SFMBT2: variants seen among roughly 807,000 people sequenced by gnomAD.
SFMBT2 encodes scm-like with four MBT domains protein 2.
In SFMBT2, 38 loss-of-function variants were observed where a neutral mutation model predicts 110.1. That is an observed-to-expected ratio of 0.35 (90% CI 0.27 to 0.45). The LOEUF is 0.45. SFMBT2 is among the 20% of genes least tolerant of loss of function. The probability of loss-of-function intolerance (pLI) is 1.00; values close to 1 mark genes in which losing one functional copy is unlikely to be tolerated. For synonymous variants in SFMBT2, 425 were observed against 425.4 expected, an observed-to-expected ratio of 1.00 and a Z score of 0.01; for missense variants, 1,011 against 1,094.9, an observed-to-expected ratio of 0.92 and a Z score of 1.08.
chr10:7,315,017 AAAG>A (rs1466788913), intron 4 of SFMBT2, among the ~76,000 whole-genome samples: 1 of 137,020 alleles, frequency 7.3e-6, no homozygotes, highest in African/African-American at 2.8e-5. Context: ...GAAAGAAAGA[AAAG>A]AGAGAGAAAG....
intron 2 of SFMBT2, among the ~76,000 whole-genome samples, chr10:7,373,882 C>T (rs1351065147): frequency 6.6e-6 from 1 of 152,180 alleles, no homozygotes; most frequent in Non-Finnish European, 1.5e-5. Flanking sequence ...CCGAAGGAGG[C>T]ACAAGGTTCT....
At chr10:7,296,932 G>T (rs1282464282) in intron 4 of SFMBT2, among the ~76,000 whole-genome samples, 1 of 152,174 alleles carries the variant, frequency 6.6e-6, no homozygotes, top group East Asian at 1.9e-4. Flanking sequence ...GCTCTTCCTG[G>T]GTCTAAAGCA....
At chr10:7,270,396 T>C (rs1841544783) in intron 7 of SFMBT2, among the ~76,000 whole-genome samples, 1 of 152,220 alleles carries the variant, frequency 6.6e-6, no homozygotes, top group Non-Finnish European at 1.5e-5. Context: ...TGGGAATTTG[T>C]GACAGTAGCC....
chr10:7,299,914 G>A (rs942971487), intron 4 of SFMBT2, among the ~76,000 whole-genome samples: 3 of 152,104 alleles, frequency 2.0e-5, no homozygotes, highest in African/African-American at 7.2e-5. Flanking sequence ...ACCCATCAAT[G>A]GTAGACTCAA....
At chr10:7,384,413 C>T (rs1447277732) in intron 1 of SFMBT2, among the ~76,000 whole-genome samples, 2 of 151,808 alleles carry the variant, frequency 1.3e-5, no homozygotes, top group African/African-American at 2.4e-5. Context: ...TCTACAGAAA[C>T]GACCTGAACC....
chr10:7,398,535 A>G (rs1332171087), intron 1 of SFMBT2, among the ~76,000 whole-genome samples: 2 of 152,244 alleles, frequency 1.3e-5, no homozygotes, highest in African/African-American at 4.8e-5. Flanking sequence ...CCCAAGCCAC[A>G]AAGGTCATTC....
chr10:7,368,570 A>C (rs1389709240), intron 3 of SFMBT2, among the ~76,000 whole-genome samples: 1 of 152,234 alleles, frequency 6.6e-6, no homozygotes, highest in Admixed American at 6.5e-5. Context: ...TGCAGCCTGA[A>C]GGACAGCCTC....
intron 1 of SFMBT2, among the ~76,000 whole-genome samples, chr10:7,392,871 T>C (rs1308147860): frequency 6.6e-6 from 1 of 150,856 alleles, no homozygotes; most frequent in African/African-American, 2.4e-5. Flanking sequence ...TACACTCAAA[T>C]ATTTCATCAG....
In SFMBT2 at chr10:7,181,321, G is replaced by C. The variant is rs79744716; in HGVS notation, c.1809-5156C>G. On this transcript the variant is annotated intron_variant, in intron 16 of 20. Coordinates refer to ENST00000397167, the MANE Select transcript of SFMBT2 (RefSeq NM_001387889.1). ...ATACTCCAAATTCTGAAATTTTTGA[G>C]TGTCAACATAATATAAGTATACTGC... 7.4e-3 allele frequency among the ~76,000 whole-genome samples: 1,113 copies of C among 151,086 alleles called. 11 individuals carry two copies. The highest frequency in any genetic ancestry group is 0.026 in the African/African-American group (1,071 of 41,140).
intron 1 of SFMBT2, among the ~76,000 whole-genome samples, chr10:7,390,422 G>A (rs538313942): frequency 4.6e-5 from 7 of 152,166 alleles, no homozygotes; most frequent in East Asian, 1.9e-4. Context: ...AATGATTCAC[G>A]GCAAACTTCC....
chr10:7,397,148 C>T (rs938745543), intron 1 of SFMBT2, among the ~76,000 whole-genome samples: 5 of 152,216 alleles, frequency 3.3e-5, no homozygotes, highest in Non-Finnish European at 7.3e-5. Flanking sequence ...AACAAAGCTA[C>T]ATAAGCATTA....
chr10:7,351,424 T>C (rs1413921842), intron 4 of SFMBT2, among the ~76,000 whole-genome samples: 1 of 152,218 alleles, frequency 6.6e-6, no homozygotes, highest in Non-Finnish European at 1.5e-5. Flanking sequence ...ACAAATCCCA[T>C]TTAATGCACA....
At chr10:7,196,781 G>A (rs117278804) in intron 15 of SFMBT2, among the ~76,000 whole-genome samples, 198 of 152,304 alleles carry the variant, frequency 1.3e-3, no homozygotes, top group African/African-American at 4.3e-3. Flanking sequence ...GTACGGATAC[G>A]TGTAAGAAAA....
At chr10:7,307,471 TATAG>T (rs1246881991) in intron 4 of SFMBT2, among the ~76,000 whole-genome samples, 1 of 152,156 alleles carries the variant, frequency 6.6e-6, no homozygotes, top group Non-Finnish European at 1.5e-5. Flanking sequence ...AAAGATACAG[TATAG>T]ATAAAGAGAC....
intron 16 of SFMBT2, among the ~76,000 whole-genome samples, chr10:7,186,439 C>T (rs1249869826): frequency 2.9e-5 from 4 of 138,730 alleles, no homozygotes; most frequent in Admixed American, 7.2e-5. Context: ...CACACACACA[C>T]ACACACACAC....
chr10:7,317,476 T>C (rs1843050330), intron 4 of SFMBT2, among the ~76,000 whole-genome samples: 1 of 151,784 alleles, frequency 6.6e-6, no homozygotes, highest in African/African-American at 2.4e-5. Flanking sequence ...ACCCCATCTC[T>C]ACTGAAAATA....
chr10:7,266,232 G>C (rs2131792137), intron 7 of SFMBT2, among the ~76,000 whole-genome samples: 1 of 152,256 alleles, frequency 6.6e-6, no homozygotes, highest in South Asian at 2.1e-4. Flanking sequence ...TGGGATTATA[G>C]GCAAGCACCA....
At chr10:7,299,536 C>A (rs1842497922) in intron 4 of SFMBT2, among the ~76,000 whole-genome samples, 1 of 152,040 alleles carries the variant, frequency 6.6e-6, no homozygotes, top group South Asian at 2.1e-4. Context: ...TAATGAGATA[C>A]CATCTCATGC....
intron 2 of SFMBT2, among the ~76,000 whole-genome samples, chr10:7,373,850 C>T (rs1246621674): frequency 6.6e-6 from 1 of 152,148 alleles, no homozygotes; most frequent in Non-Finnish European, 1.5e-5. Context: ...AAGAAGACAT[C>T]GGCATGAAAC....
Sources: gnomAD v4.1 joint callset for allele counts (sites outside exome capture counted in the v4.1 genomes callset) on GRCh38, gnomAD v4.1.1 for gene constraint, MANE v1.5 for transcripts, NCBI Gene and HGNC (gene_info 2026-07-23, HGNC 2026-07-21) for gene names.